The following SUPT20H variants were observed in gnomAD, a reference collection of about 807,000 sequenced individuals.
SUPT20H encodes the protein SPT20 homolog, SAGA complex component, also known as transcription factor SPT20 homolog.
SUPT20H carries 82 observed loss-of-function variants against 122.8 expected under a neutral mutation model. That is an observed-to-expected ratio of 0.67 (90% CI 0.56 to 0.80). The LOEUF (loss-of-function observed/expected upper bound fraction) is 0.80, where lower values mean the gene tolerates loss of function less well. Among genes scored for constraint, SUPT20H ranks in the 30% least tolerant of loss-of-function variants. The pLI, the probability that SUPT20H is intolerant of heterozygous loss-of-function variation, is 0.00. For synonymous variants in SUPT20H, 291 were observed against 313.0 expected, an observed-to-expected ratio of 0.93 and a Z score of 0.74; for missense variants, 831 against 921.6, an observed-to-expected ratio of 0.90 and a Z score of 1.27.
At chr13:37,058,033 G>A (rs888143448) in intron 1 of SUPT20H, among the ~76,000 whole-genome samples, 6 of 147,950 alleles carry the variant, frequency 4.1e-5, no homozygotes, top group African/African-American at 7.5e-5. Flanking sequence ...AGAGGCAGAA[G>A]CGGGTGGGTC....
intron 9 of SUPT20H, among the ~76,000 whole-genome samples, chr13:37,036,830 TTAA>T (rs1281625480): frequency 1.3e-5 from 2 of 152,182 alleles, no homozygotes; most frequent in African/African-American, 4.8e-5. Flanking sequence ...TAGGATTTTC[TTAA>T]TAATGTTTTC....
intron 23 of SUPT20H, chr13:37,013,233 T>C (rs2059897125): frequency 6.6e-6 from 1 of 152,108 alleles, no homozygotes; most frequent in Admixed American, 6.5e-5. Context: ...CAGTGTGGTA[T>C]TGGCTGAAGG....
At chr13:37,017,176 TGCTTGG>T in intron 23 of SUPT20H, 63 bp downstream of exon 23, 1 of 1,602,512 alleles carries the variant, frequency 6.2e-7, no homozygotes, top group Middle Eastern at 1.7e-4. Context: ...AAATGAAGTA[TGCTTGG>T]AATATACCAA....
At chr13:37,017,527 C>T (rs1218276260) in intron 22 of SUPT20H, among the ~76,000 whole-genome samples, 163 bp from the exon 23 acceptor site, 1 of 152,064 alleles carries the variant, frequency 6.6e-6, no homozygotes. Flanking sequence ...AAAAAAAAGA[C>T]CTATTTAGAA....
At chr13:37,014,115 G>C (rs1431082098) in intron 23 of SUPT20H, among the ~76,000 whole-genome samples, 3 of 151,914 alleles carry the variant, frequency 2.0e-5, no homozygotes, top group Non-Finnish European at 4.4e-5. Flanking sequence ...GATGAAAAAA[G>C]ACGTACTAAG....
At chr13:37,019,279 A>T in intron 22 of SUPT20H, 63 bp downstream of exon 22, 1 of 1,269,136 alleles carries the variant, frequency 7.9e-7, no homozygotes, top group Non-Finnish European at 1.1e-6. Context: ...ATATAGATAT[A>T]CATTGTTTAG....
At chr13:37,034,272 T>C (rs1489546752) in intron 9 of SUPT20H, among the ~76,000 whole-genome samples, 3 of 152,228 alleles carry the variant, frequency 2.0e-5, no homozygotes, top group African/African-American at 7.2e-5. Flanking sequence ...AGGCCTATGG[T>C]ACCAGACAGT....
chr13:37,012,292 A>G lies in SUPT20H; in HGVS notation c.1998T>C (p.Ser666=), dbSNP rs1189677375. 1.2e-6 allele frequency: 2 copies of G among 1,610,892 alleles called. No homozygotes were observed. Among genetic ancestry groups the G allele is most frequent in the African/African-American group, 1.3e-5 (1 of 74,942 alleles). The change falls in exon 24 of 26, where the codon TCT becomes TCC. Residue 666 remains serine (S), a synonymous_variant. Coordinates refer to ENST00000350612, the MANE Select transcript of SUPT20H (RefSeq NM_001014286.3). ...CSPQQPGEQG[S]EQGSTSQEQA... Reference sequence around the variant, plus strand: ...GTTCTTGACTGGTTGAACCTTGCTCAGAACCCTGAATAAAAAAATAATAAA... The same window carrying G: ...GTTCTTGACTGGTTGAACCTTGCTCGGAACCCTGAATAAAAAAATAATAAA...
chr13:37,044,648 A>G (rs2138847945), intron 6 of SUPT20H, among the ~76,000 whole-genome samples: 1 of 152,370 alleles, frequency 6.6e-6, no homozygotes, highest in East Asian at 1.9e-4. Context: ...TAGAATTCAC[A>G]TTATCATCAT....
At chr13:37,021,715 C>T (rs1414483595) in intron 20 of SUPT20H, 113 bp from the exon 21 acceptor site, 2 of 1,211,426 alleles carry the variant, frequency 1.7e-6, no homozygotes, top group Non-Finnish European at 2.2e-6. Context: ...AGTTATTTAT[C>T]TGTCTTAAAT....
intron 22 of SUPT20H, among the ~76,000 whole-genome samples, chr13:37,018,567 G>A (rs1440656426): frequency 1.3e-5 from 2 of 152,052 alleles, no homozygotes; most frequent in African/African-American, 2.4e-5. Flanking sequence ...TTATAGTCAC[G>A]TCTATCCATT....
At chr13:37,045,683 A>C (rs1035829582) in intron 5 of SUPT20H, among the ~76,000 whole-genome samples, 5 of 152,208 alleles carry the variant, frequency 3.3e-5, no homozygotes, top group Admixed American at 6.5e-5. Context: ...AAAATATTTA[A>C]ATAAGTAGTA....
intron 21 of SUPT20H, among the ~76,000 whole-genome samples, chr13:37,019,686 G>T (rs1460514031): frequency 6.6e-6 from 1 of 152,112 alleles, no homozygotes; most frequent in African/African-American, 2.4e-5. Flanking sequence ...GAGTAATCAA[G>T]AATTATGTGA....
intron 12 of SUPT20H, among the ~76,000 whole-genome samples, chr13:37,030,903 A>C (rs1393584220): frequency 6.6e-6 from 1 of 152,106 alleles, no homozygotes; most frequent in African/African-American, 2.4e-5. Flanking sequence ...CTTTTTTTTA[A>C]ATCAGAAATA....
intron 7 of SUPT20H, among the ~76,000 whole-genome samples, chr13:37,043,185 G>A (rs188058754): frequency 9.1e-4 from 139 of 152,306 alleles, no homozygotes; most frequent in Middle Eastern, 3.4e-3. Context: ...ACAAGTGGAG[G>A]GGATGGATGT....
chr13:37,012,796 G>C (rs2059825180), intron 23 of SUPT20H: 1 of 151,610 alleles, frequency 6.6e-6, no homozygotes, highest in Non-Finnish European at 1.5e-5. Context: ...CACAAAACAA[G>C]ACCAATATAC....
In SUPT20H at chr13:37,031,569, C is replaced by T. The variant is rs763220641; in HGVS notation, c.919G>A (p.Asp307Asn). The T allele has an allele frequency of 1.3e-5, 20 of 1,549,628 alleles. No homozygotes were observed. The highest frequency in any genetic ancestry group is 3.5e-6 in the Non-Finnish European group (4 of 1,156,492). Reference sequence around the variant, plus strand: ...AAGTAATTCATGAACTGACTTACATCTACTTCAGAAGGTATGGCCAAATTA... The same window carrying T: ...AAGTAATTCATGAACTGACTTACATTTACTTCAGAAGGTATGGCCAAATTA... ...PCNLAIPSEV[D>N]VEKYAKVEKS... The change falls in exon 12 of 26, where the codon GAT becomes AAT. Residue 307 changes from aspartate (D) to asparagine (N), a missense_variant and splice_region_variant. By Grantham distance (23) the Asp-to-Asn change is conservative (BLOSUM62 1). Coordinates refer to ENST00000350612, the MANE Select transcript of SUPT20H (RefSeq NM_001014286.3).
intron 23 of SUPT20H, chr13:37,013,603 A>G (rs1444873343): frequency 6.6e-6 from 1 of 152,084 alleles, no homozygotes; most frequent in Non-Finnish European, 1.5e-5. Flanking sequence ...TGAAAACTAG[A>G]GGATATTCCA....
chr13:37,039,436 A>T (rs1232110567), intron 9 of SUPT20H: 1 of 152,172 alleles, frequency 6.6e-6, no homozygotes, highest in Non-Finnish European at 1.5e-5. Context: ...TCATGGAAAC[A>T]GTTTTCTGGG....
Sources: gnomAD v4.1 joint callset for allele counts (sites outside exome capture counted in the v4.1 genomes callset) on GRCh38, gnomAD v4.1.1 for gene constraint, MANE v1.5 for transcripts, NCBI Gene and HGNC (gene_info 2026-07-23, HGNC 2026-07-21) for gene names.